Variants in SAFB2 observed in about 807,000 individuals in gnomAD.
SAFB2 encodes the protein scaffold attachment factor B2.
Under a neutral mutation model 100.6 loss-of-function variants are expected in SAFB2, and 32 were observed. The ratio of observed to expected loss-of-function variants is 0.32; its 90% confidence interval spans 0.24 to 0.43. The LOEUF (loss-of-function observed/expected upper bound fraction) is 0.43. Ranked by LOEUF, SAFB2 falls within the 20% of genes least tolerant of loss-of-function variation. The pLI is 1.00. For missense variants in SAFB2, 1,185 were observed against 1,163.4 expected, an observed-to-expected ratio of 1.02 and a Z score of -0.27; for synonymous variants, 500 against 439.4, an observed-to-expected ratio of 1.14 and a Z score of -1.72.
intron 5 of SAFB2, among the ~76,000 whole-genome samples, 165 bp downstream of exon 5, chr19:5,613,300 G>A (rs1046145653): frequency 2.0e-5 from 3 of 152,162 alleles, no homozygotes; most frequent in Non-Finnish European, 4.4e-5. Flanking sequence ...CACTGCCCCT[G>A]CTAGATGGCC....
intron 12 of SAFB2, among the ~76,000 whole-genome samples, chr19:5,599,497 G>T (rs928984048): frequency 6.6e-6 from 1 of 152,206 alleles, no homozygotes. Flanking sequence ...GAGAGCTGAA[G>T]ATCCAGCTTG....
In SAFB2 at chr19:5,587,860, C is replaced by T; in HGVS notation, c.2638+8G>A. The T allele has an allele frequency of 3.1e-6, 5 of 1,607,472 alleles. No individual in the cohort carries two copies. The highest frequency in any genetic ancestry group is 4.2e-6 in the Non-Finnish European group (5 of 1,177,140). ...CAGCCACCCTCGTCCCTGGAGCCAG[C>T]CCCGTACCTTGCCACCTGGCGTGCT... On this transcript the variant is annotated splice_region_variant and intron_variant, in intron 19 of 20. Transcript: ENST00000252542. The surrounding 1 kb of genome is among the most constrained non-coding windows in gnomAD (Gnocchi z 4.9).
chr19:5,618,518 C>A (rs1282447680), intron 2 of SAFB2, among the ~76,000 whole-genome samples: 9 of 152,350 alleles, frequency 5.9e-5, no homozygotes, highest in Admixed American at 5.9e-4. Flanking sequence ...AGACGCCTAA[C>A]AACGCTAGCA....
chr19:5,587,081 A>G lies in SAFB2; in HGVS notation c.*162T>C, dbSNP rs987717310. ...TTTAAAAATGGCAGAACAAGAACAC[A>G]TTTATTTAAAAAAAAAAAAAAAGTG... On this transcript the variant is annotated 3_prime_UTR_variant, in exon 21 of 21. Coordinates refer to ENST00000252542, the MANE Select transcript of SAFB2 (RefSeq NM_014649.3). This position sits in a 1 kb window ranked among gnomAD's most constrained non-coding sequence, Gnocchi z 4.9. The G allele has an allele frequency of 1.7e-5, 16 of 931,486 alleles. No homozygotes were observed. The highest frequency in any genetic ancestry group is 3.5e-4 in the Middle Eastern group (1 of 2,838). 57.7% of individuals were successfully genotyped at this position (931,486 alleles called of 1,614,324 possible). A position where few individuals can be genotyped will look rare whatever the true frequency, so the allele number is the denominator to read the frequency against.
chr19:5,607,217 C>G (rs1334245184), intron 9 of SAFB2, among the ~76,000 whole-genome samples: 2 of 152,056 alleles, frequency 1.3e-5, no homozygotes, highest in Admixed American at 6.6e-5. Flanking sequence ...GCCGAGATCG[C>G]GCCACTGCAC....
chr19:5,593,710 G>C (rs1210806035), intron 15 of SAFB2, 181 bp downstream of exon 15: 1 of 617,196 alleles, frequency 1.6e-6, no homozygotes, highest in Non-Finnish European at 2.6e-6. Flanking sequence ...GGTGAGGACA[G>C]CGAACTAATA....
At chr19:5,596,364 G>GT (rs2052536264) in intron 13 of SAFB2, among the ~76,000 whole-genome samples, 1 of 152,134 alleles carries the variant, frequency 6.6e-6, no homozygotes, top group South Asian at 2.1e-4. Context: ...TTTTTTGTAG[G>GT]TTTTTTGGGT....
chr19:5,588,868 ATACT>A (rs2145310731), intron 18 of SAFB2: 1 of 152,382 alleles, frequency 6.6e-6, no homozygotes, highest in Non-Finnish European at 1.5e-5. Flanking sequence ...CGTGTGAACT[ATACT>A]TAAAGAAAGC....
At chr19:5,598,365 C>G (rs551247687) in intron 13 of SAFB2, 1 of 181,196 alleles carries the variant, frequency 5.5e-6, no homozygotes, top group South Asian at 1.3e-4. Flanking sequence ...GATCTGATAA[C>G]ATGACCAGCT....
intron 13 of SAFB2, among the ~76,000 whole-genome samples, chr19:5,597,886 T>C (rs1367088713): frequency 6.6e-6 from 1 of 152,122 alleles, no homozygotes; most frequent in Non-Finnish European, 1.5e-5. Context: ...TCCCAGCACT[T>C]TGGGAGGCTG....
chr19:5,590,821 C>CAACT (rs2052381719), intron 17 of SAFB2, among the ~76,000 whole-genome samples: 1 of 152,244 alleles, frequency 6.6e-6, no homozygotes, highest in African/African-American at 2.4e-5. Context: ...CCTGGCCAAC[C>CAACT]AACTCTGCAC....
chr19:5,601,940 C>T (rs992072620), intron 11 of SAFB2, among the ~76,000 whole-genome samples: 7 of 152,128 alleles, frequency 4.6e-5, no homozygotes, highest in Non-Finnish European at 1.0e-4. Context: ...CTGACATTTA[C>T]ATGTGCTTTC....
In SAFB2 at chr19:5,592,726, G is replaced by A. The variant is rs747087912; in HGVS notation, c.2348+21C>T. The stretch of plus-strand genomic sequence containing the variant: ...GGTGCCCACAATGACTGTAGCTAAA[G>A]GAGGGGACAAGACCACTGACCTGTC... On this transcript the variant is annotated intron_variant, in intron 16 of 20. Coordinates refer to ENST00000252542, the MANE Select transcript of SAFB2 (RefSeq NM_014649.3). 1.4e-5 allele frequency: 23 copies of A among 1,613,384 alleles called. 1 individual carries two copies. Among genetic ancestry groups the A allele is most frequent in the South Asian group, 5.5e-5 (5 of 91,030 alleles).
chr19:5,605,240 G>A (rs1445767385), intron 9 of SAFB2, among the ~76,000 whole-genome samples: 1 of 151,990 alleles, frequency 6.6e-6, no homozygotes, highest in East Asian at 1.9e-4. Context: ...AAGTAGCTGG[G>A]ATTACAGGCG....
intron 4 of SAFB2, 62 bp from the exon 5 acceptor site, chr19:5,613,589 C>T: frequency 1.3e-6 from 2 of 1,584,596 alleles, no homozygotes; most frequent in Non-Finnish European, 1.7e-6. Context: ...AAGGCTGACA[C>T]CTCGCTTAGG....
At chr19:5,616,633 A>T (rs2053037574) in intron 2 of SAFB2, 147 bp from the exon 3 acceptor site, 1 of 581,454 alleles carries the variant, frequency 1.7e-6, no homozygotes, top group Non-Finnish European at 2.9e-6. Flanking sequence ...ATTTTGTCTC[A>T]ATTTGTTTTC....
At position 5,587,281 on chromosome 19, in the gene SAFB2, G is replaced by C. The variant is rs768587808; in HGVS notation, c.2824C>G (p.His942Asp). The change falls in exon 21 of 21, where the codon CAT becomes GAT. Residue 942 changes from histidine to aspartate, a missense_variant. This residue lies in a region of SAFB2 where 740 missense variants were observed against 687.1 expected (regional missense o/e 1.08). Coordinates refer to ENST00000252542, the MANE Select transcript of SAFB2 (RefSeq NM_014649.3). This position sits in a 1 kb window ranked among gnomAD's most constrained non-coding sequence, Gnocchi z 4.9. The stretch of plus-strand genomic sequence containing the variant: ...GTGAAGTGGGGGTACGGGGGGGGAT[G>C]AGGGTGTGGGTGAGGGACTCTGCTG... ...RGSRVPHPHP[H>D]PPPYPHFTRR... is the part of the protein sequence containing the mutation. The C allele has an allele frequency of 6.2e-7, 1 of 1,613,146 alleles. No individual in the cohort carries two copies. The highest frequency in any genetic ancestry group is 8.5e-7 in the Non-Finnish European group (1 of 1,179,716).
At chr19:5,613,714 C>T (rs1227837124) in intron 4 of SAFB2, 187 bp from the exon 5 acceptor site, 1 of 985,336 alleles carries the variant, frequency 1.0e-6, no homozygotes, top group African/African-American at 1.7e-5. Context: ...GACTCTGCTC[C>T]ACCAGCGTCT....
Position 5,597,371 on chromosome 19 carries a change from G to A in SAFB2, c.1782+1422C>T, listed in dbSNP as rs550665740. Among the ~76,000 whole-genome samples, 93 of 152,036 alleles carry A rather than the reference G, an allele frequency of 6.1e-4. 1 individual carries two copies. Among genetic ancestry groups the A allele is most frequent in the Non-Finnish European group, 1.1e-3 (77 of 68,012 alleles). On this transcript the variant is annotated intron_variant, in intron 13 of 20. Coordinates refer to ENST00000252542, the MANE Select transcript of SAFB2 (RefSeq NM_014649.3). ...ACTTGAAGCCAGGCTAAGCAACAAA[G>A]TGAGACACTCCCACCCTTTATTTTT...
Sources: gnomAD v4.1 joint callset for allele counts (sites outside exome capture counted in the v4.1 genomes callset) on GRCh38, gnomAD v4.1.1 for gene constraint, gnomAD v4.1.1 regional missense constraint, Gnocchi (gnomAD v3.1) non-coding constraint, MANE v1.5 for transcripts, NCBI Gene and HGNC (gene_info 2026-07-23, HGNC 2026-07-21) for gene names.